Variants in NXPH1 observed in about 807,000 individuals in gnomAD.
NXPH1 encodes the protein neurexophilin 1, also known as neurexophilin-1.
In NXPH1, 5 loss-of-function variants were observed where a neutral mutation model predicts 23.7. The observed-to-expected ratio is 0.21, with a 90% CI of 0.11 to 0.44. The LOEUF (loss-of-function observed/expected upper bound fraction) is 0.44, where lower values mean the gene tolerates loss of function less well. NXPH1 is among the 20% of genes least tolerant of loss of function. The pLI is 0.99. For missense variants in NXPH1, 324 were observed against 321.6 expected (o/e 1.01, Z -0.06); for synonymous variants, 144 against 122.2 (o/e 1.18, Z -1.18).
chr7:8,541,386 A>AG (rs1489705723), intron 2 of NXPH1, among the ~76,000 whole-genome samples: 2 of 151,668 alleles, frequency 1.3e-5, no homozygotes, highest in African/African-American at 4.8e-5. Context: ...AGGTCACTGA[A>AG]GGAAAGGGAG....
At chr7:8,474,910 T>C (rs1476136233) in intron 2 of NXPH1, among the ~76,000 whole-genome samples, 1 of 152,122 alleles carries the variant, frequency 6.6e-6, no homozygotes, top group African/African-American at 2.4e-5. Flanking sequence ...TTCTTCTAAG[T>C]ACCTTCTCCC....
chr7:8,517,800 G>A (rs552943649), intron 2 of NXPH1, among the ~76,000 whole-genome samples: 3 of 152,138 alleles, frequency 2.0e-5, no homozygotes, highest in African/African-American at 7.2e-5. Flanking sequence ...AATTCTTTGA[G>A]ATAATGTAAC....
intron 2 of NXPH1, among the ~76,000 whole-genome samples, chr7:8,611,436 A>G: frequency 6.6e-6 from 1 of 152,182 alleles, no homozygotes; most frequent in East Asian, 1.9e-4. Context: ...ATCTCTGAAG[A>G]AATGAGCATA....
At chr7:8,701,558 C>A (rs929840774) in intron 2 of NXPH1, among the ~76,000 whole-genome samples, 2 of 152,070 alleles carry the variant, frequency 1.3e-5, no homozygotes, top group Non-Finnish European at 2.9e-5. Context: ...TTTTACATAG[C>A]AAACTTGATT....
intron 2 of NXPH1, among the ~76,000 whole-genome samples, chr7:8,443,525 C>A (rs1323534949): frequency 6.6e-6 from 1 of 152,262 alleles, no homozygotes; most frequent in African/African-American, 2.4e-5. Flanking sequence ...CGGCTGGAGC[C>A]ACCCAGGCGC....
At chr7:8,559,735 T>A (rs1398703747) in intron 2 of NXPH1, among the ~76,000 whole-genome samples, 1 of 151,668 alleles carries the variant, frequency 6.6e-6, no homozygotes, top group African/African-American at 2.4e-5. Context: ...CACCTTATAT[T>A]TTTCCTTCCA....
At chr7:8,480,085 G>A (rs1817047542) in intron 2 of NXPH1, among the ~76,000 whole-genome samples, 1 of 152,090 alleles carries the variant, frequency 6.6e-6, no homozygotes, top group Non-Finnish European at 1.5e-5. Context: ...CTTTTGGGAG[G>A]AGGGAGATGT....
At chr7:8,502,756 A>T (rs1817457209) in intron 2 of NXPH1, among the ~76,000 whole-genome samples, 1 of 151,500 alleles carries the variant, frequency 6.6e-6, no homozygotes, top group African/African-American at 2.4e-5. Flanking sequence ...GGCTCACTAG[A>T]TGGTAGAGGA....
intron 2 of NXPH1, among the ~76,000 whole-genome samples, chr7:8,686,659 G>A (rs1406979771): frequency 6.6e-6 from 1 of 152,246 alleles, no homozygotes; most frequent in African/African-American, 2.4e-5. Flanking sequence ...ATGTGCTAAA[G>A]ACAAAGAGAC....
chr7:8,596,018 A>C (rs879653074), intron 2 of NXPH1, among the ~76,000 whole-genome samples: 7 of 152,090 alleles, frequency 4.6e-5, no homozygotes, highest in Non-Finnish European at 1.0e-4. Flanking sequence ...TTAGCATGCA[A>C]GTTTGATATG....
chr7:8,440,779 G>A (rs1014100040), intron 2 of NXPH1, among the ~76,000 whole-genome samples: 35 of 152,090 alleles, frequency 2.3e-4, no homozygotes, highest in South Asian at 8.3e-4. Context: ...TGACTAGGGG[G>A]GCGATGGGGA....
chr7:8,553,904 T>C (rs918528574), intron 2 of NXPH1, among the ~76,000 whole-genome samples: 1 of 151,640 alleles, frequency 6.6e-6, no homozygotes, highest in African/African-American at 2.4e-5. Context: ...AGATTTCCTG[T>C]GGCATTGGAA....
intron 2 of NXPH1, among the ~76,000 whole-genome samples, chr7:8,593,508 T>G (rs1252227474): frequency 1.3e-5 from 2 of 152,034 alleles, no homozygotes; most frequent in Admixed American, 1.3e-4. Context: ...AATTGCCCCC[T>G]AGTCTCCTGA....
chr7:8,435,618 T>G lies in NXPH1; in HGVS notation c.-96T>G. On this transcript the variant is annotated 5_prime_UTR_variant, in exon 2 of 3. Transcript: ENST00000405863. This position sits in a 1 kb window ranked among gnomAD's most constrained non-coding sequence, Gnocchi z 5.9. The stretch of plus-strand genomic sequence containing the variant: ...TTTGCATCTAGGCTGCTGAGAGCGC[T>G]CCTTGCTCTGTAAAGTGGATGTCAG... 1 of 1,134,392 alleles carries G rather than the reference T, an allele frequency of 8.8e-7. No individual in the cohort carries two copies. 70.3% of individuals were successfully genotyped at this position (1,134,392 alleles called of 1,614,324 possible).
At chr7:8,480,136 A>G (rs1444264604) in intron 2 of NXPH1, among the ~76,000 whole-genome samples, 1 of 152,104 alleles carries the variant, frequency 6.6e-6, no homozygotes, top group African/African-American at 2.4e-5. Flanking sequence ...TTTCTTAGGT[A>G]GCTGACATAG....
At chr7:8,586,471 C>G (rs1818983448) in intron 2 of NXPH1, among the ~76,000 whole-genome samples, 1 of 151,910 alleles carries the variant, frequency 6.6e-6, no homozygotes, top group African/African-American at 2.4e-5. Context: ...GAAATGAGGA[C>G]CCTGAATACT....
intron 2 of NXPH1, among the ~76,000 whole-genome samples, chr7:8,620,878 C>T (rs575587241): frequency 3.3e-5 from 5 of 152,228 alleles, no homozygotes; most frequent in Middle Eastern, 3.4e-3. Context: ...CTGATCTCTT[C>T]CAGGTTGTAT....
At chr7:8,540,526 A>T in intron 2 of NXPH1, among the ~76,000 whole-genome samples, 1 of 151,778 alleles carries the variant, frequency 6.6e-6, no homozygotes, top group East Asian at 1.9e-4. Flanking sequence ...AGTGAAGCCC[A>T]GGGGACACCC....
At position 8,435,365 on chromosome 7, in the gene NXPH1, G is replaced by A. The variant is rs1054997366; in HGVS notation, c.-110-239G>A. On this transcript the variant is annotated intron_variant, in intron 1 of 2. Coordinates refer to ENST00000405863, the MANE Select transcript of NXPH1 (RefSeq NM_152745.3). This position sits in a 1 kb window ranked among gnomAD's most constrained non-coding sequence, Gnocchi z 5.9. ...CGCCGCCTGGGAACTCGCACCCGAG[G>A]AGCGCAGGGGGCAAGGAGCCCCTCA... 1.1e-5 allele frequency: 4 copies of A among 359,326 alleles called. No homozygotes were observed. Among genetic ancestry groups the A allele is most frequent in the African/African-American group, 2.1e-5 (1 of 46,882 alleles). 22.3% of individuals were successfully genotyped at this position (359,326 alleles called of 1,614,324 possible).
Sources: gnomAD v4.1 joint callset for allele counts (sites outside exome capture counted in the v4.1 genomes callset) on GRCh38, gnomAD v4.1.1 for gene constraint, Gnocchi (gnomAD v3.1) non-coding constraint, MANE v1.5 for transcripts, NCBI Gene and HGNC (gene_info 2026-07-23, HGNC 2026-07-21) for gene names.